Variants in PJA2 observed in about 807,000 individuals in gnomAD.
PJA2 encodes praja ring finger ubiquitin ligase 2.
PJA2 carries 25 observed loss-of-function variants against 69.3 expected under a neutral mutation model. The ratio of observed to expected loss-of-function variants is 0.36; its 90% confidence interval spans 0.26 to 0.50. PJA2 has a LOEUF of 0.50. Ranked by LOEUF, PJA2 falls within the 20% of genes least tolerant of loss-of-function variation. The pLI is 0.96. For missense variants in PJA2, 809 were observed against 830.2 expected, an observed-to-expected ratio of 0.97 and a Z score of 0.31; for synonymous variants, 308 against 277.8, an observed-to-expected ratio of 1.11 and a Z score of -1.08.
In PJA2 at chr5:109,337,275, G is replaced by A. The variant is rs1311752776; in HGVS notation, c.2083C>T (p.Pro695Ser). Residue 695 changes from proline (P) to serine (S), a missense_variant, in exon 10 of 10, where the codon CCT becomes TCT. Transcript: ENST00000361189. ...ASAAPSSEPD[P>S]DAPPSNDSIA... ...CTGTCATTTGAAGGTGGGGCATCAG[G>A]ATCAGGCTCAGAGGAAGGAGCTGCA... The A allele has an allele frequency of 3.7e-6, 6 of 1,613,590 alleles. No individual in the cohort carries two copies. In the South Asian group the frequency reaches 6.6e-5, roughly 18 times the overall value.
rs576521806 is a variant in PJA2, at chr5:109,393,446, T to C, written c.-87-9926A>G. Among the ~76,000 whole-genome samples the C allele has an allele frequency of 3.9e-5, 6 of 152,268 alleles. No homozygotes were observed. The South Asian group carries it at 6.2e-4, about 16-fold the overall frequency. ...GAAGCACCTAGTAAACCTGAACATA[T>C]GCATATGATATGGTTAAGCAGTCCA... On this transcript the variant is annotated intron_variant, in intron 1 of 9. Coordinates refer to ENST00000361189, the MANE Select transcript of PJA2 (RefSeq NM_014819.5).
At chr5:109,353,405 A>G (rs62643540) in intron 7 of PJA2, among the ~76,000 whole-genome samples, 3,375 of 134,612 alleles carry the variant, frequency 0.025, 79 homozygotes, top group Non-Finnish European at 0.037. Context: ...TTAGATACCT[A>G]TATCTATAGA....
rs747887184 is a variant in PJA2 at position 109,396,761 on chromosome 5, AG to A, written c.-88+13080del. Among the ~76,000 whole-genome samples, 710 of 81,254 alleles carry A rather than the reference AG, an allele frequency of 8.7e-3. 3 individuals are homozygous for A. The highest frequency in any genetic ancestry group is 0.022 in the Middle Eastern group (5 of 226). The allele number at this position is 81,254 out of a possible 152,430, so 53.3% of individuals were successfully genotyped here. On this transcript the variant is annotated intron_variant, in intron 1 of 9. Transcript: ENST00000361189. ...TTCTAACCATCGCAAGACCAAAAAA[AG>A]AAAAAAAAAAAAAAGGCAGGGGTGG...
intron 1 of PJA2, among the ~76,000 whole-genome samples, chr5:109,387,218 ATAG>A (rs1215036112): frequency 1.3e-5 from 2 of 152,088 alleles, no homozygotes; most frequent in African/African-American, 4.8e-5. Flanking sequence ...TTATTATTTA[ATAG>A]TAGTTCTTGT....
chr5:109,355,911 A>T lies in PJA2; in HGVS notation c.1764+4T>A, dbSNP rs1204813329. The stretch of plus-strand genomic sequence containing the variant: ...ATATATGGAGATCAGAGTTATGAAC[A>T]TACCTCCATAGCCTGGGCTAAGCGT... On this transcript the variant is annotated splice_donor_region_variant and intron_variant, in intron 7 of 9. Coordinates refer to ENST00000361189, the MANE Select transcript of PJA2 (RefSeq NM_014819.5). 6.3e-7 allele frequency: 1 copy of T among 1,597,852 alleles called. No individual in the cohort carries two copies. Among genetic ancestry groups the T allele is most frequent in the East Asian group, 2.2e-5 (1 of 44,784 alleles).
intron 1 of PJA2, among the ~76,000 whole-genome samples, chr5:109,385,613 AATT>A (rs1747140263): frequency 6.6e-6 from 1 of 152,178 alleles, no homozygotes; most frequent in Non-Finnish European, 1.5e-5. Context: ...CTGTTAGTAT[AATT>A]TGGGAGTTGT....
rs142323454 is a variant in PJA2 at position 109,378,159 on chromosome 5, C to T, written c.1283+45G>A. On this transcript the variant is annotated intron_variant, in intron 4 of 9. Transcript: ENST00000361189. ...CAAACATGGTTCTAGAAAGAAACCA[C>T]TTCATTTACTACACAATCGGAAAAA... is the stretch of plus-strand genomic sequence containing the variant. The T allele has an allele frequency of 6.9e-4, 965 of 1,405,862 alleles. 5 individuals carry two copies. The African/African-American group carries it at 9.3e-3, about 14-fold the overall frequency. 87.1% of individuals were successfully genotyped at this position (1,405,862 alleles called of 1,614,324 possible).
rs1220477863 is a variant in PJA2, at chr5:109,362,895, T to G, written c.1597A>C (p.Asn533His). ...FAQPAFMLDG[N>H]NNLEDDSSVS... ...CTGGAGTCATCCTCCAGGTTATTGT[T>G]ACCATCCAACATGAAAGCTGGCTGT... The change falls in exon 6 of 10, where the codon AAC becomes CAC. Residue 533 changes from asparagine (N) to histidine (H), a missense_variant. This residue lies in a region of PJA2 where 700 missense variants were observed against 639.5 expected (regional missense o/e 1.09). Coordinates refer to ENST00000361189, the MANE Select transcript of PJA2 (RefSeq NM_014819.5). The G allele has an allele frequency of 6.2e-7, 1 of 1,613,834 alleles. No individual in the cohort carries two copies. The highest frequency in any genetic ancestry group is 1.1e-5 in the South Asian group (1 of 90,990).
intron 5 of PJA2, among the ~76,000 whole-genome samples, chr5:109,364,193 G>A (rs1181496163): frequency 6.6e-6 from 1 of 152,024 alleles, no homozygotes; most frequent in African/African-American, 2.4e-5. Flanking sequence ...TGGGACAACT[G>A]GGTATTCGCC....
At chr5:109,346,239 G>A (rs1391851611) in intron 7 of PJA2, among the ~76,000 whole-genome samples, 1 of 152,152 alleles carries the variant, frequency 6.6e-6, no homozygotes, top group Non-Finnish European at 1.5e-5. Context: ...AAAGACCTTG[G>A]CTTCTTTTTA....
At chr5:109,371,811 T>C (rs910272193) in intron 4 of PJA2, among the ~76,000 whole-genome samples, 1 of 152,214 alleles carries the variant, frequency 6.6e-6, no homozygotes, top group South Asian at 2.1e-4. Context: ...TAAGGTACGA[T>C]AGTTGAGAAT....
At chr5:109,392,034 G>C (rs1747292595) in intron 1 of PJA2, among the ~76,000 whole-genome samples, 1 of 152,048 alleles carries the variant, frequency 6.6e-6, no homozygotes, top group African/African-American at 2.4e-5. Context: ...ATAATCTATG[G>C]GTTAAATGTA....
intron 9 of PJA2, among the ~76,000 whole-genome samples, chr5:109,340,624 C>T (rs1582578045): frequency 0.029 from 1 of 34 alleles, no homozygotes; most frequent in Non-Finnish European, 0.1. Flanking sequence ...GGGTCCCTCC[C>T]CCTCCCCCTC....
In PJA2 at chr5:109,368,538, A is replaced by T. The variant is rs139470054; in HGVS notation, c.1469+23T>A. On this transcript the variant is annotated intron_variant, in intron 5 of 9. Transcript: ENST00000361189. ...CCACTCTTGTACAATATACAGAAAA[A>T]TAAATCTCACTGTTGAACATACCCT... 214 of 1,590,814 alleles carry T rather than the reference A, an allele frequency of 1.3e-4. 1 individual carries two copies. The African/African-American group carries it at 2.7e-3, about 20-fold the overall frequency.
At chr5:109,337,742 T>C (rs747156471) in intron 9 of PJA2, among the ~76,000 whole-genome samples, 1 of 152,070 alleles carries the variant, frequency 6.6e-6, no homozygotes, top group African/African-American at 2.4e-5. Context: ...TATCATTATT[T>C]AGTCTATTAT....
At chr5:109,352,225 G>C (rs1762265935) in intron 7 of PJA2, among the ~76,000 whole-genome samples, 1 of 152,148 alleles carries the variant, frequency 6.6e-6, no homozygotes, top group South Asian at 2.1e-4. Context: ...TACTTAGCAT[G>C]ACCTCTCAAG....
Position 109,378,681 on chromosome 5 carries a change from T to C in PJA2, c.806A>G (p.Gln269Arg). ...TCTTTCCTGGCTAGTATTATTTTGT[T>C]GTTTCGTACTAACCATTTCATCTTG... ...SSQDEMVSTK[Q>R]QNNTSQERQT... Residue 269 changes from glutamine to arginine, a missense_variant, in exon 4 of 10, where the codon CAA becomes CGA. Physicochemically the swap from Gln to Arg is conservative, Grantham distance 43. Coordinates refer to ENST00000361189, the MANE Select transcript of PJA2 (RefSeq NM_014819.5). 1 of 1,614,024 alleles carries C rather than the reference T, an allele frequency of 6.2e-7. No homozygotes were observed. Among genetic ancestry groups the C allele is most frequent in the Non-Finnish European group, 8.5e-7 (1 of 1,180,006 alleles).
intron 1 of PJA2, among the ~76,000 whole-genome samples, chr5:109,401,293 C>T (rs775857614): frequency 1.4e-4 from 21 of 151,916 alleles, no homozygotes; most frequent in Non-Finnish European, 2.2e-4. Flanking sequence ...CAAAAACAAC[C>T]GCTACCACCA....
chr5:109,363,080 T>C, intron 5 of PJA2, 58 bp from the exon 6 acceptor site: 2 of 1,407,522 alleles, frequency 1.4e-6, no homozygotes, highest in Middle Eastern at 1.9e-4. Context: ...ACCATAACAC[T>C]GTCTTTAATT....
Sources: gnomAD v4.1 joint callset for allele counts (sites outside exome capture counted in the v4.1 genomes callset) on GRCh38, gnomAD v4.1.1 for gene constraint, gnomAD v4.1.1 regional missense constraint, MANE v1.5 for transcripts, NCBI Gene and HGNC (gene_info 2026-07-23, HGNC 2026-07-21) for gene names.